EPB41: variants seen among roughly 807,000 people sequenced by gnomAD.
EPB41 encodes erythrocyte membrane protein band 4.1, also known as protein 4.1.
In EPB41, 65 loss-of-function variants were observed where a neutral mutation model predicts 108.0. The observed-to-expected ratio is 0.60, with a 90% CI of 0.49 to 0.74. EPB41 has a LOEUF of 0.74. Among genes scored for constraint, EPB41 ranks in the 30% least tolerant of loss-of-function variants. The pLI, the probability that EPB41 is intolerant of heterozygous loss-of-function variation, is 0.00. For synonymous variants in EPB41, 336 were observed against 358.9 expected (o/e 0.94, Z 0.72); for missense variants, 875 against 1,037.0 (o/e 0.84, Z 2.15).
At chr1:28,967,749 G>A (rs900799195) in intron 1 of EPB41, among the ~76,000 whole-genome samples, 4 of 151,212 alleles carry the variant, frequency 2.6e-5, no homozygotes, top group African/African-American at 9.7e-5. Context: ...GGGATTACAG[G>A]TGTGAGCCAC....
At chr1:29,116,137 G>A (rs1399022469) in intron 20 of EPB41, among the ~76,000 whole-genome samples, 1 of 142,930 alleles carries the variant, frequency 7.0e-6, no homozygotes, top group African/African-American at 2.6e-5. Flanking sequence ...GCTTGCTGCT[G>A]TCACAGGTCT....
chr1:28,988,349 C>A (rs1277703331), intron 2 of EPB41, among the ~76,000 whole-genome samples: 1 of 152,064 alleles, frequency 6.6e-6, no homozygotes, highest in Non-Finnish European at 1.5e-5. Context: ...CATCATAAAG[C>A]TTTATAGTTT....
chr1:29,087,286 T>A (rs1187672528), intron 16 of EPB41, among the ~76,000 whole-genome samples: 1 of 152,084 alleles, frequency 6.6e-6, no homozygotes, highest in Admixed American at 6.6e-5. Flanking sequence ...AAATCCTTAC[T>A]TCAAAAATAA....
intron 1 of EPB41, among the ~76,000 whole-genome samples, chr1:28,950,601 G>A (rs981757088): frequency 2.6e-5 from 4 of 152,238 alleles, no homozygotes; most frequent in African/African-American, 9.6e-5. Flanking sequence ...AAAGGCAGAA[G>A]GCCAAAGGGC....
At chr1:29,075,052 G>A (rs1026453292) in intron 16 of EPB41, among the ~76,000 whole-genome samples, 19 of 151,706 alleles carry the variant, frequency 1.3e-4, no homozygotes, top group Non-Finnish European at 1.5e-4. Context: ...AGCTACTCAG[G>A]AGGCTGAGGC....
intron 11 of EPB41, among the ~76,000 whole-genome samples, chr1:29,042,018 A>T (rs1420858473): frequency 6.6e-6 from 1 of 152,196 alleles, no homozygotes; most frequent in African/African-American, 2.4e-5. Flanking sequence ...CATTTGTATC[A>T]TCTGGAACCA....
intron 1 of EPB41, among the ~76,000 whole-genome samples, chr1:28,925,940 GA>G (rs1200560099): frequency 2.0e-5 from 3 of 152,160 alleles, no homozygotes; most frequent in Admixed American, 2.0e-4. Context: ...AAATATAAAA[GA>G]TGGGGCTCAT....
chr1:28,993,191 GA>G, intron 2 of EPB41, 138 bp from the exon 3 acceptor site: 1 of 698,472 alleles, frequency 1.4e-6, no homozygotes, highest in East Asian at 2.9e-5. Context: ...ATTTTTTATA[GA>G]AAAATATTTA....
At chr1:29,078,362 C>T (rs1407118503) in intron 16 of EPB41, among the ~76,000 whole-genome samples, 3 of 152,200 alleles carry the variant, frequency 2.0e-5, no homozygotes, top group Admixed American at 2.0e-4. Flanking sequence ...CATCTTCACT[C>T]AATGTCAAAG....
In EPB41 at chr1:29,112,438, A is replaced by C. The variant is rs759226090; in HGVS notation, c.2486A>C (p.Asp829Ala). The change falls in exon 19 of 21, where the codon GAC becomes GCC. Residue 829 changes from aspartate to alanine, a missense_variant. This residue lies in a region of EPB41 where 519 missense variants were observed against 627.3 expected (regional missense o/e 0.83). Coordinates refer to ENST00000343067, the MANE Select transcript of EPB41 (RefSeq NM_001376013.1). ...RIVITGDADI[D>A]HDQVLVQAIK... ...GTGATCACAGGAGATGCTGATATTGACCATGATCAGGTGGGAATGTTGAAG... is the reference window on the plus strand; with the variant it reads ...GTGATCACAGGAGATGCTGATATTGCCCATGATCAGGTGGGAATGTTGAAG... The C allele has an allele frequency of 6.2e-7, 1 of 1,613,794 alleles. No homozygotes were observed. Among genetic ancestry groups the C allele is most frequent in the South Asian group, 1.1e-5 (1 of 91,076 alleles).
At chr1:29,016,813 CTTAAA>C (rs1465669320) in intron 6 of EPB41, among the ~76,000 whole-genome samples, 1 of 152,158 alleles carries the variant, frequency 6.6e-6, no homozygotes, top group Non-Finnish European at 1.5e-5. Flanking sequence ...TCAAATGTTT[CTTAAA>C]TTAAACTGTT....
rs766172065 is a variant in EPB41, at chr1:29,030,498, C to G, written c.1212+11C>G. 1.2e-6 allele frequency: 2 copies of G among 1,603,682 alleles called. No homozygotes were observed. Among genetic ancestry groups the G allele is most frequent in the East Asian group, 4.5e-5 (2 of 44,796 alleles). Reference sequence around the variant, plus strand: ...CTTCATAAAGCAAAGGTAATGATAACTTTGCCCTTTATTAATATGCATGTG... The same window carrying G: ...CTTCATAAAGCAAAGGTAATGATAAGTTTGCCCTTTATTAATATGCATGTG... On this transcript the variant is annotated intron_variant, in intron 8 of 20. Transcript: ENST00000343067.
At chr1:28,941,247 G>A (rs1188332876) in intron 1 of EPB41, among the ~76,000 whole-genome samples, 1 of 151,840 alleles carries the variant, frequency 6.6e-6, no homozygotes, top group East Asian at 1.9e-4. Context: ...AGGTATGGTA[G>A]TGCTTGCCTG....
chr1:29,093,017 C>T (rs186465954), intron 16 of EPB41, among the ~76,000 whole-genome samples: 15 of 152,280 alleles, frequency 9.9e-5, no homozygotes, highest in Non-Finnish European at 1.8e-4. Context: ...TAAACATACA[C>T]ATGCATGTGT....
At chr1:29,071,497 T>G (rs1441379680) in intron 16 of EPB41, 1 of 152,216 alleles carries the variant, frequency 6.6e-6, no homozygotes, top group African/African-American at 2.4e-5. Flanking sequence ...CAGCAATAGT[T>G]AGCCATTGCT....
At chr1:28,907,037 C>T (rs1373523635) in intron 1 of EPB41, among the ~76,000 whole-genome samples, 1 of 151,080 alleles carries the variant, frequency 6.6e-6, no homozygotes, top group Non-Finnish European at 1.5e-5. Context: ...TCCCAAAGTG[C>T]TGGGATTACA....
intron 1 of EPB41, among the ~76,000 whole-genome samples, chr1:28,974,868 C>T (rs1478990705): frequency 6.6e-6 from 1 of 151,206 alleles, no homozygotes; most frequent in Non-Finnish European, 1.5e-5. Flanking sequence ...GATCTTGGCT[C>T]ACTGCAACCT....
At chr1:28,917,490 A>G (rs1369309386) in intron 1 of EPB41, among the ~76,000 whole-genome samples, 2 of 152,050 alleles carry the variant, frequency 1.3e-5, no homozygotes, top group Non-Finnish European at 2.9e-5. Flanking sequence ...CATGTTGGTC[A>G]GTATGGTCTC....
Position 29,095,763 on chromosome 1 carries a change from C to A in EPB41, c.2185-2044C>A, listed in dbSNP as rs563534511. On this transcript the variant is annotated intron_variant, in intron 16 of 20. Coordinates refer to ENST00000343067, the MANE Select transcript of EPB41 (RefSeq NM_001376013.1). ...CTCCAGCCTGGGTGACAGAGTGAGA[C>A]CCTGTCTCAAAAAAAAAAAAAGAAT... Among the ~76,000 whole-genome samples, 14 of 151,326 alleles carry A rather than the reference C, an allele frequency of 9.3e-5. No individual in the cohort carries two copies. The South Asian group carries it at 2.9e-3, about 32-fold the overall frequency.
Sources: allele counts gnomAD v4.1 joint callset (sites outside exome capture counted in the v4.1 genomes callset), GRCh38; gene constraint gnomAD v4.1.1; regional missense constraint gnomAD v4.1.1; transcripts MANE v1.5; gene names NCBI Gene and HGNC (gene_info 2026-07-23, HGNC 2026-07-21).